Variants in TEX11 observed in about 807,000 individuals in gnomAD.
TEX11 encodes testis expressed 11, also known as testis-expressed protein 11.
Under a neutral mutation model 84.4 loss-of-function variants are expected in TEX11, and 7 were observed. The ratio of observed to expected loss-of-function variants is 0.08; its 90% CI spans 0.05 to 0.16. TEX11 has a LOEUF of 0.16. Ranked by LOEUF, TEX11 falls within the 10% of genes least tolerant of loss-of-function variation. The pLI is 1.00. For missense variants in TEX11, 551 were observed against 660.5 expected (o/e 0.83, Z 1.82); for synonymous variants, 264 against 222.8 (o/e 1.18, Z -1.64).
intron 9 of TEX11, among the ~76,000 whole-genome samples, chrX:70,787,373 C>T (rs2091086188): frequency 9.2e-6 from 1 of 108,307 alleles, no homozygotes; most frequent in African/African-American, 3.4e-5. Context: ...GCTTTGTCAC[C>T]AGGTTGGAGT....
Position 70,865,098 on chromosome X carries a change from C to T in TEX11, c.245-4162G>A, listed in dbSNP as rs144338265. Reference sequence around the variant, plus strand: ...AATGCTCCAATTAAAAGACACAGACCGGCAAATTGGATAACGAGTCAAGAC... The same window carrying T: ...AATGCTCCAATTAAAAGACACAGACTGGCAAATTGGATAACGAGTCAAGAC... On this transcript the variant is annotated intron_variant, in intron 4 of 29. Transcript: ENST00000374333. Among the ~76,000 whole-genome samples, 44 of 110,769 alleles carry T rather than the reference C, an allele frequency of 4.0e-4. No individual in the cohort carries two copies. The East Asian group carries it at 8.2e-3, about 21-fold the overall frequency.
intron 5 of TEX11, 26 bp downstream of exon 5, chrX:70,860,831 C>T: frequency 2.8e-6 from 3 of 1,086,161 alleles, no homozygotes; most frequent in Non-Finnish European, 3.8e-6. Flanking sequence ...CATTTCATCT[C>T]CACTTTCTCC....
intron 8 of TEX11, among the ~76,000 whole-genome samples, chrX:70,810,637 C>T (rs376218265): frequency 9.1e-6 from 1 of 110,197 alleles, no homozygotes; most frequent in East Asian, 2.8e-4. Flanking sequence ...ACACTGGGGC[C>T]TGTTGAGGGG....
At chrX:70,695,776 A>G (rs2090274819) in intron 13 of TEX11, among the ~76,000 whole-genome samples, 1 of 111,891 alleles carries the variant, frequency 8.9e-6, no homozygotes, top group South Asian at 3.8e-4. Context: ...GATTGCTCTA[A>G]AGAGGTTTAC....
intron 13 of TEX11, among the ~76,000 whole-genome samples, chrX:70,702,880 A>G (rs1171575587): frequency 9.0e-6 from 1 of 111,629 alleles, no homozygotes; most frequent in Admixed American, 9.5e-5. Flanking sequence ...AAAGGGGAAG[A>G]TATTTGCAAT....
intron 8 of TEX11, among the ~76,000 whole-genome samples, chrX:70,814,215 C>T (rs1263740125): frequency 1.8e-5 from 2 of 111,858 alleles, no homozygotes; most frequent in Non-Finnish European, 3.8e-5. Flanking sequence ...TACAAGGCTA[C>T]AGTAACCAAA....
rs1362023852 is a variant in TEX11, at chrX:70,533,145, G to A, written c.2521-3146C>T. 5.3e-5 allele frequency among the ~76,000 whole-genome samples: 6 copies of A among 112,409 alleles called. No homozygotes were observed. The East Asian group carries it at 8.3e-4, about 16-fold the overall frequency. ...TAAAATAGTGACAATTTAGATGGAC[G>A]GATGTAAGAATCATTTAAAGGAAGA... On this transcript the variant is annotated intron_variant, in intron 28 of 29. Transcript: ENST00000374333.
At chrX:70,511,769 A>C in the TEX11 span, among the ~76,000 whole-genome samples, 1 of 102,697 alleles carries the variant, frequency 9.7e-6, no homozygotes. Context: ...AAAAAAAAAA[A>C]AAAAAAAGAA....
intron 17 of TEX11, among the ~76,000 whole-genome samples, chrX:70,647,199 A>C (rs1487200914): frequency 8.9e-6 from 1 of 111,921 alleles, no homozygotes; most frequent in Admixed American, 9.5e-5. Flanking sequence ...TAGAAGCAGA[A>C]TAGAATGTTC....
At chrX:70,754,546 C>T (rs1768688059) in intron 9 of TEX11, among the ~76,000 whole-genome samples, 1 of 111,914 alleles carries the variant, frequency 8.9e-6, no homozygotes, top group African/African-American at 3.2e-5. Context: ...AAGGGAAGAA[C>T]ACAGGCCTGG....
the TEX11 span, among the ~76,000 whole-genome samples, chrX:70,519,288 G>T: frequency 8.9e-6 from 1 of 111,973 alleles, no homozygotes; most frequent in Non-Finnish European, 1.9e-5. Flanking sequence ...TCCTTCAGGA[G>T]CTCTTGTAAG....
intron 2 of TEX11, 97 bp downstream of exon 2, chrX:70,907,656 T>C: frequency 1.5e-6 from 1 of 658,489 alleles, no homozygotes; most frequent in Non-Finnish European, 2.4e-6. Context: ...CCTCCCAAAG[T>C]GCTGAGATTA....
intron 2 of TEX11, among the ~76,000 whole-genome samples, chrX:70,903,956 C>T (rs2091816264): frequency 1.0e-5 from 1 of 98,973 alleles, no homozygotes; most frequent in Non-Finnish European, 2.0e-5. Flanking sequence ...GAGACTACTA[C>T]AGGCATGCAA....
At chrX:70,838,333 T>C (rs981876889) in intron 7 of TEX11, among the ~76,000 whole-genome samples, 7 of 111,287 alleles carry the variant, frequency 6.3e-5, no homozygotes, top group African/African-American at 2.3e-4. Flanking sequence ...TGAGGCAGGA[T>C]AATCGCTTGA....
chrX:70,579,751 C>T (rs755254876), intron 25 of TEX11, among the ~76,000 whole-genome samples: 23 of 111,820 alleles, frequency 2.1e-4, no homozygotes, highest in Admixed American at 3.8e-4. Context: ...AAAGTTGCTC[C>T]GCATCATTGA....
chrX:70,584,858 G>T (rs1041919967), intron 25 of TEX11, among the ~76,000 whole-genome samples: 1 of 111,617 alleles, frequency 9.0e-6, no homozygotes, highest in Non-Finnish European at 1.9e-5. Flanking sequence ...AACTAGGAAT[G>T]GAAGGGAATA....
intron 9 of TEX11, among the ~76,000 whole-genome samples, chrX:70,748,114 C>T (rs1173482915): frequency 9.0e-6 from 1 of 110,507 alleles, no homozygotes; most frequent in African/African-American, 3.3e-5. Context: ...AGCACACCAA[C>T]ATATACATAA....
At chrX:70,516,610 TTTTG>T in the TEX11 span, among the ~76,000 whole-genome samples, 1 of 111,723 alleles carries the variant, frequency 9.0e-6, no homozygotes, top group Admixed American at 9.5e-5. Flanking sequence ...GCGGGCTCTT[TTTTG>T]GTTCCATATG....
intron 16 of TEX11, among the ~76,000 whole-genome samples, chrX:70,656,176 C>A (rs1010181871): frequency 9.2e-6 from 1 of 108,749 alleles, no homozygotes; most frequent in African/African-American, 3.3e-5. Flanking sequence ...GTGATCCCAG[C>A]ACTTTGGGAG....
Sources: gnomAD v4.1 joint callset for allele counts (sites outside exome capture counted in the v4.1 genomes callset) on GRCh38, gnomAD v4.1.1 for gene constraint, MANE v1.5 for transcripts, NCBI Gene and HGNC (gene_info 2026-07-23, HGNC 2026-07-21) for gene names.